Variants in EXOC6 observed in about 807,000 individuals in gnomAD.
The protein encoded by EXOC6 is exocyst complex component 6, also known as SEC15-like 1.
In EXOC6, 60 loss-of-function variants were observed where a neutral mutation model predicts 112.5. The ratio of observed to expected loss-of-function variants is 0.53; its 90% confidence interval spans 0.43 to 0.66. EXOC6 has a LOEUF of 0.66. Among genes scored for constraint, EXOC6 ranks in the 30% least tolerant of loss-of-function variants. EXOC6 has a pLI of 0.00. For synonymous variants in EXOC6, 295 were observed against 308.0 expected, an observed-to-expected ratio of 0.96 and a Z score of 0.44; for missense variants, 855 against 957.1, an observed-to-expected ratio of 0.89 and a Z score of 1.41.
chr10:93,033,555 C>T (rs552508120), intron 20 of EXOC6, among the ~76,000 whole-genome samples: 11 of 152,244 alleles, frequency 7.2e-5, no homozygotes, highest in African/African-American at 2.6e-4. Context: ...TTTCTCGTGG[C>T]CCTGGCTTTT....
chr10:92,945,620 A>ATAG (rs1852947270), intron 13 of EXOC6, among the ~76,000 whole-genome samples: 2 of 152,180 alleles, frequency 1.3e-5, no homozygotes, highest in Admixed American at 1.3e-4. Context: ...CTCTTCTTCC[A>ATAG]TAGTAACTGG....
chr10:92,918,733 A>G (rs562409194), intron 7 of EXOC6, among the ~76,000 whole-genome samples: 2 of 152,106 alleles, frequency 1.3e-5, no homozygotes, highest in East Asian at 1.9e-4. Flanking sequence ...CACTATGTAC[A>G]TTTCTGCTGT....
At chr10:92,976,791 C>T (rs990330074) in intron 18 of EXOC6, among the ~76,000 whole-genome samples, 11 of 151,414 alleles carry the variant, frequency 7.3e-5, no homozygotes, top group African/African-American at 1.9e-4. Context: ...TCTATCCTGG[C>T]ACGTAGTCAT....
intron 20 of EXOC6, among the ~76,000 whole-genome samples, chr10:93,033,153 T>C (rs1300547221): frequency 1.3e-5 from 2 of 152,172 alleles, no homozygotes; most frequent in Admixed American, 1.3e-4. Context: ...GTTAGTGTCA[T>C]ACTCTGATTT....
chr10:92,976,031 G>T (rs1218794509), intron 18 of EXOC6, among the ~76,000 whole-genome samples: 839 of 77,492 alleles, frequency 0.011, 24 homozygotes, highest in African/African-American at 0.048. Flanking sequence ...CAGCCGCCGC[G>T]TCCGGGAGGG....
At chr10:93,032,011 C>G (rs556099469) in intron 20 of EXOC6, among the ~76,000 whole-genome samples, 1 of 152,314 alleles carries the variant, frequency 6.6e-6, no homozygotes, top group Non-Finnish European at 1.5e-5. Context: ...TTTGACCACT[C>G]TTATGTTCTA....
chr10:92,851,698 T>G (rs1469110536), intron 1 of EXOC6, among the ~76,000 whole-genome samples: 1 of 150,326 alleles, frequency 6.7e-6, no homozygotes, highest in Non-Finnish European at 1.5e-5. Flanking sequence ...ACCAACCAAC[T>G]AACCAAACAA....
chr10:93,029,029 T>C (rs1184945512), intron 20 of EXOC6, among the ~76,000 whole-genome samples: 1 of 152,122 alleles, frequency 6.6e-6, no homozygotes, highest in Non-Finnish European at 1.5e-5. Flanking sequence ...TTCATTGTTG[T>C]CTTTTTTTAA....
intron 18 of EXOC6, among the ~76,000 whole-genome samples, chr10:92,982,477 T>A (rs1284591579): frequency 8.5e-6 from 1 of 117,426 alleles, no homozygotes; most frequent in East Asian, 2.9e-4. Flanking sequence ...TTAGACCATT[T>A]TTTTAAAAAA....
At chr10:93,024,598 G>A (rs1844936885) in intron 20 of EXOC6, among the ~76,000 whole-genome samples, 1 of 151,940 alleles carries the variant, frequency 6.6e-6, no homozygotes, top group South Asian at 2.1e-4. Flanking sequence ...CACCTGGCCT[G>A]GCTAAGACAG....
intron 19 of EXOC6, among the ~76,000 whole-genome samples, chr10:93,010,938 C>G: frequency 6.6e-6 from 1 of 151,934 alleles, no homozygotes; most frequent in East Asian, 1.9e-4. Context: ...TGACATTGAG[C>G]TCTTTGGTTA....
At chr10:92,860,179 G>A (rs1386800318) in intron 1 of EXOC6, among the ~76,000 whole-genome samples, 1 of 150,246 alleles carries the variant, frequency 6.7e-6, no homozygotes, top group Non-Finnish European at 1.5e-5. Flanking sequence ...ATAAGATTTA[G>A]CATTTTAATA....
intron 1 of EXOC6, among the ~76,000 whole-genome samples, chr10:92,843,112 A>C (rs1428436349): frequency 2.0e-5 from 3 of 152,190 alleles, no homozygotes; most frequent in African/African-American, 7.2e-5. Context: ...TTAGAAAAAA[A>C]CTGATTTTAT....
chr10:92,889,428 C>T (rs1589769690), intron 1 of EXOC6, among the ~76,000 whole-genome samples: 1 of 152,304 alleles, frequency 6.6e-6, no homozygotes, highest in East Asian at 1.9e-4. Context: ...CAATATCCCT[C>T]ACCACAGTAG....
At chr10:92,858,394 C>T (rs1450503560) in intron 1 of EXOC6, among the ~76,000 whole-genome samples, 1 of 152,016 alleles carries the variant, frequency 6.6e-6, no homozygotes, top group Non-Finnish European at 1.5e-5. Context: ...ATTTGAGACT[C>T]TGTTCATTTT....
At chr10:92,841,177 ACTTTGATTAACAT>A (rs1368980968) in intron 1 of EXOC6, among the ~76,000 whole-genome samples, 2 of 152,140 alleles carry the variant, frequency 1.3e-5, no homozygotes, top group African/African-American at 2.4e-5. Context: ...TCCAGCTGAA[ACTTTGATTAACAT>A]CTTTGATTAA....
At chr10:92,957,200 C>T (rs1853741693) in intron 17 of EXOC6, among the ~76,000 whole-genome samples, 1 of 152,124 alleles carries the variant, frequency 6.6e-6, no homozygotes, top group African/African-American at 2.4e-5. Flanking sequence ...GTCCTTACAT[C>T]CATCTGTTAC....
At position 92,940,721 on chromosome 10, in the gene EXOC6, T is replaced by C. The variant is rs370521437; in HGVS notation, c.1213-6T>C. 1.8e-5 allele frequency: 28 copies of C among 1,567,038 alleles called. No homozygotes were observed. The highest frequency in any genetic ancestry group is 2.3e-5 in the Non-Finnish European group (26 of 1,154,680). On this transcript the variant is annotated splice_region_variant and splice_polypyrimidine_tract_variant and intron_variant, in intron 12 of 21. Transcript: ENST00000260762. Reference sequence around the variant, plus strand: ...TTATCTGCTTTTTTTTTTTTTTGTATTTTAGGGTTATGGTTTTCCAGTGAA... The same window carrying C: ...TTATCTGCTTTTTTTTTTTTTTGTACTTTAGGGTTATGGTTTTCCAGTGAA...
chr10:92,848,433 G>GGCC, upstream of EXOC6: 6 of 855,804 alleles, frequency 7.0e-6, no homozygotes, highest in Non-Finnish European at 8.5e-6. Context: ...CGGCCCGAGC[G>GGCC]CCCCGCCCCC....
Sources: allele counts gnomAD v4.1 joint callset (sites outside exome capture counted in the v4.1 genomes callset), GRCh38; gene constraint gnomAD v4.1.1; transcripts MANE v1.5; gene names NCBI Gene and HGNC (gene_info 2026-07-23, HGNC 2026-07-21).